Variants in DIAPH3 observed in about 807,000 individuals in gnomAD.
DIAPH3 encodes the protein diaphanous related formin 3.
Under a neutral mutation model 144.3 loss-of-function variants are expected in DIAPH3, and 117 were observed. The ratio of observed to expected loss-of-function variants is 0.81; its 90% confidence interval spans 0.70 to 0.95. DIAPH3 has a LOEUF of 0.95. Among genes scored for constraint, DIAPH3 ranks in the 40% least tolerant of loss-of-function variants. The probability of loss-of-function intolerance (pLI) is 0.00; values close to 1 mark genes in which losing one functional copy is unlikely to be tolerated. For synonymous variants in DIAPH3, 519 were observed against 488.9 expected (o/e 1.06, Z -0.81); for missense variants, 1,421 against 1,412.7 (o/e 1.01, Z -0.09).
chr13:60,134,827 C>A (rs140279428), intron 1 of DIAPH3, among the ~76,000 whole-genome samples: 1 of 152,114 alleles, frequency 6.6e-6, no homozygotes, highest in East Asian at 1.9e-4. Flanking sequence ...GGATGGTATG[C>A]CACAATAAAG....
At chr13:59,864,916 T>C (rs897997015) in intron 21 of DIAPH3, among the ~76,000 whole-genome samples, 1 of 151,964 alleles carries the variant, frequency 6.6e-6, no homozygotes, top group Non-Finnish European at 1.5e-5. Context: ...TATTTAACAA[T>C]TGAAAGACAC....
chr13:59,702,706 T>G (rs914998342), intron 27 of DIAPH3, among the ~76,000 whole-genome samples: 1 of 152,162 alleles, frequency 6.6e-6, no homozygotes, highest in African/African-American at 2.4e-5. Context: ...AAATATACAG[T>G]TATATTCTTT....
intron 2 of DIAPH3, among the ~76,000 whole-genome samples, chr13:60,116,084 T>G (rs1420825605): frequency 6.6e-6 from 1 of 152,138 alleles, no homozygotes; most frequent in African/African-American, 2.4e-5. Context: ...TATAACTTTT[T>G]CTTAACTTGT....
intron 22 of DIAPH3, among the ~76,000 whole-genome samples, chr13:59,848,406 G>A (rs1416324196): frequency 4.7e-5 from 7 of 150,428 alleles, no homozygotes; most frequent in Non-Finnish European, 7.4e-5. Context: ...ATGCTGGTGC[G>A]CTGCACCCAC....
chr13:59,699,081 T>G (rs1050946986), intron 27 of DIAPH3, among the ~76,000 whole-genome samples: 6 of 152,192 alleles, frequency 3.9e-5, no homozygotes, highest in African/African-American at 1.2e-4. Flanking sequence ...CTGGCTCTCA[T>G]GGAGCTTATA....
chr13:60,069,833 A>T (rs1467553836), intron 4 of DIAPH3, among the ~76,000 whole-genome samples: 2 of 152,054 alleles, frequency 1.3e-5, no homozygotes, highest in Admixed American at 6.6e-5. Flanking sequence ...CCATTGGTCT[A>T]TATGTCTGTT....
At chr13:59,943,694 A>G (rs1029572788) in intron 17 of DIAPH3, among the ~76,000 whole-genome samples, 4 of 152,194 alleles carry the variant, frequency 2.6e-5, no homozygotes, top group Non-Finnish European at 4.4e-5. Flanking sequence ...AGATGTGAAG[A>G]TATAAAATTA....
intron 24 of DIAPH3, chr13:59,832,818 A>C (rs1234538760): frequency 3.2e-6 from 1 of 313,328 alleles, no homozygotes; most frequent in East Asian, 6.0e-5. Flanking sequence ...ATAGCCAAAA[A>C]CTTATTACAG....
intron 17 of DIAPH3, among the ~76,000 whole-genome samples, chr13:59,933,406 G>A (rs751632402): frequency 4.6e-5 from 7 of 152,198 alleles, no homozygotes; most frequent in Non-Finnish European, 1.0e-4. Context: ...AGTACGATCA[G>A]AGTCCATAAA....
intron 25 of DIAPH3, among the ~76,000 whole-genome samples, chr13:59,805,125 A>T (rs557691320): frequency 3.3e-5 from 5 of 152,212 alleles, no homozygotes; most frequent in Non-Finnish European, 5.9e-5. Flanking sequence ...TAACCTAAAG[A>T]CTAAAATATA....
At chr13:60,058,707 G>A (rs1279754243) in intron 4 of DIAPH3, among the ~76,000 whole-genome samples, 3 of 151,912 alleles carry the variant, frequency 2.0e-5, no homozygotes, top group African/African-American at 7.2e-5. Flanking sequence ...CACATACACT[G>A]TAATACTACT....
intron 4 of DIAPH3, among the ~76,000 whole-genome samples, chr13:60,054,240 T>C (rs953874671): frequency 3.9e-5 from 6 of 152,036 alleles, no homozygotes; most frequent in African/African-American, 1.4e-4. Context: ...CTCTAGAGAT[T>C]AAAATATTAA....
chr13:59,754,083 A>G (rs981420269), intron 27 of DIAPH3, among the ~76,000 whole-genome samples: 4 of 152,100 alleles, frequency 2.6e-5, no homozygotes, highest in Non-Finnish European at 5.9e-5. Context: ...TTCCCATCTA[A>G]TCTGTCACAA....
intron 17 of DIAPH3, among the ~76,000 whole-genome samples, chr13:59,954,313 G>A (rs910467014): frequency 6.6e-6 from 1 of 151,494 alleles, no homozygotes; most frequent in East Asian, 1.9e-4. Flanking sequence ...GGGTTATTAT[G>A]CAAGGCACTC....
chr13:60,093,476 C>T, intron 4 of DIAPH3, 152 bp downstream of exon 4: 1 of 570,948 alleles, frequency 1.8e-6, no homozygotes, highest in South Asian at 2.3e-5. Flanking sequence ...TTAATTTAAA[C>T]AAATGTATAA....
chr13:59,755,784 AC>A (rs2037225357), intron 27 of DIAPH3, among the ~76,000 whole-genome samples: 1 of 152,072 alleles, frequency 6.6e-6, no homozygotes, highest in African/African-American at 2.4e-5. Flanking sequence ...CATTAGAAAA[AC>A]TCTCTAGGTA....
At chr13:59,739,264 G>A (rs2036317972) in intron 27 of DIAPH3, among the ~76,000 whole-genome samples, 1 of 152,164 alleles carries the variant, frequency 6.6e-6, no homozygotes. Context: ...ATTGCAGTTC[G>A]AATCTTGAAT....
intron 27 of DIAPH3, among the ~76,000 whole-genome samples, chr13:59,732,419 C>G (rs1420346747): frequency 6.6e-6 from 1 of 150,488 alleles, no homozygotes. Context: ...TCTGTAAATT[C>G]CTTGAGGGCC....
At chr13:59,672,587 G>A (rs990854149) in intron 27 of DIAPH3, among the ~76,000 whole-genome samples, 4 of 152,218 alleles carry the variant, frequency 2.6e-5, no homozygotes, top group Non-Finnish European at 5.9e-5. Flanking sequence ...GGGTCTACAT[G>A]ATAGTAAAGT....
Sources: gnomAD v4.1 joint callset for allele counts (sites outside exome capture counted in the v4.1 genomes callset) on GRCh38, gnomAD v4.1.1 for gene constraint, MANE v1.5 for transcripts, NCBI Gene and HGNC (gene_info 2026-07-23, HGNC 2026-07-21) for gene names.